The following ZC3H12B variants were observed in gnomAD, a reference collection of about 807,000 sequenced individuals.
ZC3H12B encodes the protein probable ribonuclease ZC3H12B.
Under a neutral mutation model 43.9 loss-of-function variants are expected in ZC3H12B, and 7 were observed. The observed-to-expected ratio is 0.16, with a 90% CI of 0.09 to 0.30. ZC3H12B has a LOEUF of 0.30. ZC3H12B is among the 10% of genes least tolerant of loss of function. ZC3H12B has a pLI of 1.00. For missense variants in ZC3H12B, 475 were observed against 670.2 expected (o/e 0.71, Z 3.22); for synonymous variants, 222 against 241.7 (o/e 0.92, Z 0.76).
At chrX:65,250,841 T>C in the ZC3H12B span, among the ~76,000 whole-genome samples, 3 of 111,843 alleles carry the variant, frequency 2.7e-5, no homozygotes, top group Non-Finnish European at 5.6e-5. Flanking sequence ...ATATTAGCCC[T>C]TTGTCAGATG....
the ZC3H12B span, among the ~76,000 whole-genome samples, chrX:65,353,767 G>A: frequency 1.8e-5 from 2 of 111,572 alleles, no homozygotes; most frequent in African/African-American, 6.5e-5. Context: ...GGACACTCGA[G>A]CTTGGTGTGG....
the ZC3H12B span, among the ~76,000 whole-genome samples, chrX:65,225,956 A>G: frequency 8.9e-6 from 1 of 112,127 alleles, no homozygotes; most frequent in Non-Finnish European, 1.9e-5. Context: ...ACTCTGCAGG[A>G]TATTATCCAG....
At chrX:65,384,600 G>C (rs1858910133) in intron 2 of ZC3H12B, among the ~76,000 whole-genome samples, 2 of 111,040 alleles carry the variant, frequency 1.8e-5, no homozygotes, top group African/African-American at 6.5e-5. Flanking sequence ...TATTGCTATA[G>C]TTTAAAAAAA....
the ZC3H12B span, among the ~76,000 whole-genome samples, chrX:65,161,654 G>C: frequency 2.7e-5 from 3 of 111,805 alleles, no homozygotes; most frequent in Non-Finnish European, 3.8e-5. Flanking sequence ...GTCTATGTGT[G>C]TCTCTGTAAG....
chrX:65,209,804 A>G, the ZC3H12B span, among the ~76,000 whole-genome samples: 78 of 101,761 alleles, frequency 7.7e-4, no homozygotes, highest in African/African-American at 2.8e-3. Flanking sequence ...CCTGAGAAAA[A>G]CAAGCAATGG....
chrX:65,460,198 A>C (rs977661958), intron 3 of ZC3H12B, among the ~76,000 whole-genome samples: 1 of 111,671 alleles, frequency 9.0e-6, no homozygotes, highest in African/African-American at 3.3e-5. Flanking sequence ...ACTGCTCAAC[A>C]AAATAAAGGA....
chrX:65,140,951 G>T, the ZC3H12B span, among the ~76,000 whole-genome samples: 2 of 111,207 alleles, frequency 1.8e-5, no homozygotes, highest in Non-Finnish European at 3.8e-5. Context: ...GCTTCTCTTT[G>T]TTTATTTGTT....
the ZC3H12B span, among the ~76,000 whole-genome samples, chrX:65,212,210 AATATATT>A: frequency 2.1e-5 from 1 of 48,602 alleles, no homozygotes; most frequent in African/African-American, 8.4e-5. Context: ...ATTATTATAT[AATATATT>A]ATATATTATA....
the ZC3H12B span, among the ~76,000 whole-genome samples, chrX:65,317,063 A>G: frequency 9.0e-6 from 1 of 111,381 alleles, no homozygotes; most frequent in African/African-American, 3.3e-5. Context: ...GCATTATATA[A>G]TGGTAAGGGG....
At chrX:65,454,524 G>T (rs1226282090) in intron 3 of ZC3H12B, among the ~76,000 whole-genome samples, 1 of 112,229 alleles carries the variant, frequency 8.9e-6, no homozygotes, top group Non-Finnish European at 1.9e-5. Context: ...AAGGAGGCCT[G>T]ACTGACTCTG....
At chrX:65,368,533 A>T (rs1262078493) in intron 1 of ZC3H12B, among the ~76,000 whole-genome samples, 3 of 112,023 alleles carry the variant, frequency 2.7e-5, no homozygotes, top group African/African-American at 9.7e-5. Context: ...TCAAAATTAT[A>T]CATGTAACTC....
the ZC3H12B span, among the ~76,000 whole-genome samples, chrX:65,176,409 A>G: frequency 9.0e-6 from 1 of 111,338 alleles, no homozygotes; most frequent in Non-Finnish European, 1.9e-5. Context: ...GATAAAACTA[A>G]CATCTCCCTA....
the ZC3H12B span, among the ~76,000 whole-genome samples, chrX:65,329,623 C>T: frequency 2.7e-5 from 3 of 110,086 alleles, no homozygotes; most frequent in Non-Finnish European, 5.6e-5. Flanking sequence ...AAGTCCTTGC[C>T]CATGCCTATG....
intron 2 of ZC3H12B, among the ~76,000 whole-genome samples, chrX:65,386,882 T>C (rs928195049): frequency 8.9e-6 from 1 of 111,910 alleles, no homozygotes; most frequent in Non-Finnish European, 1.9e-5. Flanking sequence ...CGTCTTTATT[T>C]CTGCCTTCAT....
chrX:65,328,436 TC>T, the ZC3H12B span: 1 of 260,864 alleles, frequency 3.8e-6, no homozygotes, highest in South Asian at 5.0e-5. Context: ...GGTAATTAAG[TC>T]CCAGTCACCA....
the ZC3H12B span, among the ~76,000 whole-genome samples, chrX:65,170,992 G>A: frequency 8.9e-6 from 1 of 111,744 alleles, no homozygotes; most frequent in African/African-American, 3.3e-5. Flanking sequence ...TCCTCCTTTA[G>A]CTCAGAGAAG....
chrX:65,331,721 C>T, the ZC3H12B span, among the ~76,000 whole-genome samples: 1 of 110,885 alleles, frequency 9.0e-6, no homozygotes. Flanking sequence ...ATATGCTAAG[C>T]AAGGGGTGTA....
chrX:65,361,659 C>T (rs988350007), upstream of ZC3H12B, among the ~76,000 whole-genome samples: 1 of 110,388 alleles, frequency 9.1e-6, no homozygotes, highest in Non-Finnish European at 1.9e-5. Flanking sequence ...TTGGCAACAA[C>T]CCTTAGACAC....
At chrX:65,323,825 TC>T in the ZC3H12B span, among the ~76,000 whole-genome samples, 4 of 112,214 alleles carry the variant, frequency 3.6e-5, no homozygotes, top group Non-Finnish European at 7.5e-5. Context: ...GTAAAAGTGT[TC>T]CCATTTCTTC....
Sources: gnomAD v4.1 joint callset for allele counts (sites outside exome capture counted in the v4.1 genomes callset) on GRCh38, gnomAD v4.1.1 for gene constraint, MANE v1.5 for transcripts, NCBI Gene and HGNC (gene_info 2026-07-23, HGNC 2026-07-21) for gene names.